The following GRM3 variants were observed in gnomAD, a reference collection of about 807,000 sequenced individuals.
GRM3 encodes metabotropic glutamate receptor 3.
GRM3 carries 26 observed loss-of-function variants against 70.5 expected under a neutral mutation model. The observed-to-expected ratio is 0.37, with a 90% CI of 0.27 to 0.51. GRM3 has a LOEUF of 0.51. Ranked by LOEUF, GRM3 falls within the 20% of genes least tolerant of loss-of-function variation. The pLI, the probability that GRM3 is intolerant of heterozygous loss-of-function variation, is 0.93. For missense variants in GRM3, 859 were observed against 1,123.8 expected, an observed-to-expected ratio of 0.76 and a Z score of 3.37; for synonymous variants, 443 against 434.9, an observed-to-expected ratio of 1.02 and a Z score of -0.23.
intron 2 of GRM3, among the ~76,000 whole-genome samples, chr7:86,768,856 A>G (rs1796669421): frequency 6.6e-6 from 1 of 152,100 alleles, no homozygotes. Flanking sequence ...ACTGACCCCC[A>G]TGCCCCCTTC....
At chr7:86,829,285 G>A (rs1378837578) in intron 3 of GRM3, among the ~76,000 whole-genome samples, 2 of 152,210 alleles carry the variant, frequency 1.3e-5, no homozygotes, top group Non-Finnish European at 2.9e-5. Flanking sequence ...TCTTGCGTCT[G>A]ATTTGATGTT....
At position 86,839,884 on chromosome 7, in the gene GRM3, T is replaced by C. The variant is rs1273906339; in HGVS notation, c.2370T>C (p.Tyr790=). 1 of 1,590,084 alleles carries C rather than the reference T, an allele frequency of 6.3e-7. No homozygotes were observed. The highest frequency in any genetic ancestry group is 1.1e-5 in the South Asian group (1 of 90,548). Residue 790 remains tyrosine (Y), a synonymous_variant, in exon 4 of 6, where the codon TAT becomes TAC. Transcript: ENST00000361669. This position sits in a 1 kb window ranked among gnomAD's most constrained non-coding sequence, Gnocchi z 4.5. ...GGTTGGCCTTCCTCCCTATATTTTATGTGACATCAAGTGACTACAGAGTAA... is the reference window on the plus strand; with the variant it reads ...GGTTGGCCTTCCTCCCTATATTTTACGTGACATCAAGTGACTACAGAGTAA... ...IIWLAFLPIF[Y]VTSSDYRVQT...
chr7:86,839,566 C>T lies in GRM3; in HGVS notation c.2052C>T (p.Ser684=). 1.9e-6 allele frequency: 3 copies of T among 1,611,006 alleles called. No homozygotes were observed. The highest frequency in any genetic ancestry group is 2.5e-6 in the Non-Finnish European group (3 of 1,178,170). The change falls in exon 4 of 6, where the codon AGC becomes AGT. Residue 684 remains serine (S), a synonymous_variant. Coordinates refer to ENST00000361669, the MANE Select transcript of GRM3 (RefSeq NM_000840.3). The surrounding 1 kb of genome is among the most constrained non-coding windows in gnomAD (Gnocchi z 4.5). The part of the protein sequence containing the change: ...KNGAQRPKFI[S]PSSQVFICLG... ...GCGCTCAGAGGCCAAAATTCATCAG[C>T]CCCAGTTCTCAGGTTTTCATCTGCC... is the stretch of plus-strand genomic sequence containing the variant.
At chr7:86,745,284 T>C (rs60620129) in intron 1 of GRM3, among the ~76,000 whole-genome samples, 3,290 of 152,138 alleles carry the variant, frequency 0.022, 106 homozygotes, top group African/African-American at 0.073. Flanking sequence ...TAATTATTCA[T>C]GGCCATGCTG....
chr7:86,716,967 A>C (rs1795332530), intron 1 of GRM3, among the ~76,000 whole-genome samples: 1 of 151,852 alleles, frequency 6.6e-6, no homozygotes, highest in Non-Finnish European at 1.5e-5. Context: ...CTGGGTTCAA[A>C]CTCTGACTCC....
chr7:86,708,108 C>T (rs925827021), intron 1 of GRM3, among the ~76,000 whole-genome samples: 3 of 152,144 alleles, frequency 2.0e-5, no homozygotes, highest in African/African-American at 7.2e-5. Context: ...CTAGAGCCTA[C>T]ACTCTTAATT....
intron 3 of GRM3, among the ~76,000 whole-genome samples, chr7:86,814,214 T>C (rs1412757227): frequency 6.6e-6 from 1 of 151,794 alleles, no homozygotes; most frequent in African/African-American, 2.4e-5. Context: ...GATTTGAAAA[T>C]CCTTCAAGCT....
At chr7:86,762,158 C>T (rs763586824) in intron 1 of GRM3, among the ~76,000 whole-genome samples, 7 of 151,892 alleles carry the variant, frequency 4.6e-5, no homozygotes, top group Non-Finnish European at 8.8e-5. Context: ...GGGAATTGCA[C>T]GTAAAGATCA....
intron 2 of GRM3, among the ~76,000 whole-genome samples, chr7:86,780,346 A>T (rs542859938): frequency 9.2e-5 from 14 of 152,342 alleles, no homozygotes; most frequent in Admixed American, 2.0e-4. Flanking sequence ...AAGTATAATT[A>T]AAAAATACCA....
chr7:86,798,948 A>T (rs1041612829), intron 3 of GRM3, among the ~76,000 whole-genome samples: 1 of 152,074 alleles, frequency 6.6e-6, no homozygotes, highest in Non-Finnish European at 1.5e-5. Context: ...CTACCCAGCC[A>T]TGTGGAACTC....
chr7:86,695,942 A>G (rs1794804825), intron 1 of GRM3, among the ~76,000 whole-genome samples: 1 of 152,160 alleles, frequency 6.6e-6, no homozygotes, highest in Non-Finnish European at 1.5e-5. Context: ...TATTATCTGG[A>G]AAGGTACAGT....
chr7:86,860,270 A>G lies in GRM3; in HGVS notation c.2567-4012A>G, dbSNP rs1798929605. Among the ~76,000 whole-genome samples, 4 of 152,338 alleles carry G rather than the reference A, an allele frequency of 2.6e-5. No individual in the cohort carries two copies. The South Asian group carries it at 8.3e-4, about 32-fold the overall frequency. On this transcript the variant is annotated intron_variant, in intron 5 of 5. Transcript: ENST00000361669. Reference sequence around the variant, plus strand: ...AAATGATAGTACTTTGCCCTTCTACATATTTTATTACCTTGGTGAATAACA... The same window carrying G: ...AAATGATAGTACTTTGCCCTTCTACGTATTTTATTACCTTGGTGAATAACA...
At position 86,720,347 on chromosome 7, in the gene GRM3, T is replaced by C. The variant is rs1009921408; in HGVS notation, c.-140-44659T>C. Among the ~76,000 whole-genome samples, 8 of 151,996 alleles carry C rather than the reference T, an allele frequency of 5.3e-5. No homozygotes were observed. In the South Asian group the frequency reaches 1.7e-3, roughly 32 times the overall value. ...GTGTATCATGTGGGGCATGTTGTACTTCAGGTACCAGCAAGGCACTAAAAT... is the reference window on the plus strand; with the variant it reads ...GTGTATCATGTGGGGCATGTTGTACCTCAGGTACCAGCAAGGCACTAAAAT... On this transcript the variant is annotated intron_variant, in intron 1 of 5. Transcript: ENST00000361669.
At position 86,864,620 on chromosome 7, in the gene GRM3, G is replaced by T; in HGVS notation, c.*265G>T. 1 of 285,354 alleles carries T rather than the reference G, an allele frequency of 3.5e-6. No homozygotes were observed. Among genetic ancestry groups the T allele is most frequent in the Non-Finnish European group, 6.3e-6 (1 of 157,778 alleles). The allele number at this position is 285,354 out of a possible 1,614,324, so 17.7% of individuals were successfully genotyped here. On this transcript the variant is annotated 3_prime_UTR_variant, in exon 6 of 6. Coordinates refer to ENST00000361669, the MANE Select transcript of GRM3 (RefSeq NM_000840.3). ...GAGCATTGGTGACAGGGTCTGACAT[G>T]GTCAGTCTACTAAAAAACAAAAAAA...
chr7:86,678,289 C>T (rs940097974), intron 1 of GRM3, among the ~76,000 whole-genome samples: 1 of 151,814 alleles, frequency 6.6e-6, no homozygotes, highest in African/African-American at 2.4e-5. Context: ...TAAAGGAGCA[C>T]ACAACTATGA....
intron 1 of GRM3, among the ~76,000 whole-genome samples, chr7:86,692,417 A>G (rs1349778163): frequency 1.3e-5 from 2 of 152,200 alleles, no homozygotes; most frequent in Admixed American, 6.5e-5. Context: ...TTCTTCAAAC[A>G]TTCAAGGTTC....
chr7:86,852,609 TA>T (rs535925661), intron 5 of GRM3, among the ~76,000 whole-genome samples: 1 of 152,060 alleles, frequency 6.6e-6, no homozygotes, highest in Admixed American at 6.6e-5. Context: ...AACTTTTTTT[TA>T]AAAAAGGTCT....
chr7:86,692,534 C>G (rs1297453120), intron 1 of GRM3, among the ~76,000 whole-genome samples: 1 of 152,198 alleles, frequency 6.6e-6, no homozygotes, highest in African/African-American at 2.4e-5. Flanking sequence ...TCACACATAT[C>G]CACCTATGCA....
At chr7:86,721,607 CTG>C (rs1400670093) in intron 1 of GRM3, among the ~76,000 whole-genome samples, 5 of 152,058 alleles carry the variant, frequency 3.3e-5, no homozygotes, top group Non-Finnish European at 7.4e-5. Flanking sequence ...GAGTCCAACA[CTG>C]TGCTTTATAA....
Sources: allele counts gnomAD v4.1 joint callset (sites outside exome capture counted in the v4.1 genomes callset), GRCh38; gene constraint gnomAD v4.1.1; non-coding constraint Gnocchi (gnomAD v3.1); transcripts MANE v1.5; gene names NCBI Gene and HGNC (gene_info 2026-07-23, HGNC 2026-07-21).